The following HERC3 variants were observed in gnomAD, a reference collection of about 807,000 sequenced individuals.
HERC3 encodes the protein HECT and RLD domain containing E3 ubiquitin protein ligase 3.
A neutral mutation model predicts 129.9 loss-of-function variants in HERC3; 58 were observed. The ratio of observed to expected loss-of-function variants is 0.45; its 90% confidence interval spans 0.36 to 0.56. HERC3 has a LOEUF of 0.56. HERC3 is among the 20% of genes least tolerant of loss of function. The pLI is 0.00. For synonymous variants in HERC3, 430 were observed against 451.0 expected (o/e 0.95, Z 0.59); for missense variants, 835 against 1,244.2 (o/e 0.67, Z 4.95).
At chr4:88,675,077 A>G (rs767835034) in intron 16 of HERC3, among the ~76,000 whole-genome samples, 1 of 152,222 alleles carries the variant, frequency 6.6e-6, no homozygotes, top group African/African-American at 2.4e-5. Flanking sequence ...CATTGATTTT[A>G]TGTGATGATC....
chr4:88,631,253 G>A (rs1018025024), intron 3 of HERC3, among the ~76,000 whole-genome samples: 1 of 152,054 alleles, frequency 6.6e-6, no homozygotes, highest in Non-Finnish European at 1.5e-5. Context: ...TCAGGAGTTC[G>A]AGACCAGCCT....
chr4:88,649,742 T>TAAAAAA, intron 3 of HERC3, 98 bp from the exon 4 acceptor site: 1 of 988,510 alleles, frequency 1.0e-6, no homozygotes. Flanking sequence ...TGGTTCTTGT[T>TAAAAAA]AAAAAATAAA....
the HERC3 span, among the ~76,000 whole-genome samples, chr4:88,549,328 A>G: frequency 6.6e-6 from 1 of 151,786 alleles, no homozygotes; most frequent in Admixed American, 6.6e-5. Flanking sequence ...TTTAAAAAAA[A>G]AAACAGCATT....
At chr4:88,635,491 T>C (rs1009665270) in intron 3 of HERC3, among the ~76,000 whole-genome samples, 3 of 151,544 alleles carry the variant, frequency 2.0e-5, no homozygotes, top group African/African-American at 7.3e-5. Context: ...CTCTGAGAAA[T>C]ATGGGACTAT....
intron 3 of HERC3, among the ~76,000 whole-genome samples, chr4:88,613,923 T>A (rs1724623556): frequency 6.6e-6 from 1 of 150,866 alleles, no homozygotes; most frequent in Admixed American, 6.6e-5. Flanking sequence ...GGAGAAACTG[T>A]CATTTAATAA....
chr4:88,696,507 A>G (rs1463022020), intron 23 of HERC3: 3 of 149,414 alleles, frequency 2.0e-5, no homozygotes, highest in African/African-American at 7.4e-5. Context: ...TGAGATTGTA[A>G]CTAATGAATA....
At chr4:88,532,067 C>G in the HERC3 span, among the ~76,000 whole-genome samples, 1 of 152,162 alleles carries the variant, frequency 6.6e-6, no homozygotes, top group Admixed American at 6.5e-5. Context: ...TTTTCCTACA[C>G]TGAACCCTGA....
intron 2 of HERC3, among the ~76,000 whole-genome samples, chr4:88,604,368 A>G (rs1322728917): frequency 2.0e-5 from 3 of 152,200 alleles, no homozygotes; most frequent in African/African-American, 4.8e-5. Context: ...TAGTATATTT[A>G]CCATGTTTTA....
At chr4:88,700,520 A>G (rs1735222748) in intron 23 of HERC3, among the ~76,000 whole-genome samples, 1 of 152,180 alleles carries the variant, frequency 6.6e-6, no homozygotes, top group African/African-American at 2.4e-5. Context: ...TAGTCCCTTA[A>G]GTGAAATCTA....
chr4:88,540,953 C>T, the HERC3 span, among the ~76,000 whole-genome samples: 1 of 152,072 alleles, frequency 6.6e-6, no homozygotes, highest in Non-Finnish European at 1.5e-5. Flanking sequence ...CACTAAATAT[C>T]GAAAGGAACA....
rs958529045 is a variant in HERC3, at chr4:88,708,129, C to T, written c.*1169C>T. 6 of 152,428 alleles carry T rather than the reference C, an allele frequency of 3.9e-5. No homozygotes were observed. Among genetic ancestry groups the T allele is most frequent in the African/African-American group, 7.2e-5 (3 of 41,454 alleles). 9.4% of individuals were successfully genotyped at this position (152,428 alleles called of 1,614,324 possible). A position where few individuals can be genotyped will look rare whatever the true frequency, so the allele number is the denominator to read the frequency against. On this transcript the variant is annotated 3_prime_UTR_variant, in exon 26 of 26. Coordinates refer to ENST00000402738, the MANE Select transcript of HERC3 (RefSeq NM_014606.3). ...CTTTATTATGAAACTTTATCACATTCGAAATGTTTGTTTACAGTGGGATTT... is the reference window on the plus strand; with the variant it reads ...CTTTATTATGAAACTTTATCACATTTGAAATGTTTGTTTACAGTGGGATTT...
intron 23 of HERC3, chr4:88,697,486 C>T (rs564016200): frequency 5.6e-6 from 9 of 1,614,126 alleles, no homozygotes; most frequent in South Asian, 1.1e-5. Context: ...CTTATCGCAT[C>T]GCTTCTGCAG....
At position 88,652,042 on chromosome 4, in the gene HERC3, A is replaced by G. The variant is rs1245790788; in HGVS notation, c.417A>G (p.Ile139Met). ...TACAAAAGCTGAACCAGCAAACAAT[A>G]TTACAAGTTTCCTGTGGCAACTGGC... is the stretch of plus-strand genomic sequence containing the variant. ...RLIQKLNQQTILQVSCGNWHC... is the reference protein window; with the variant it reads ...RLIQKLNQQTMLQVSCGNWHC... Residue 139 changes from isoleucine (I) to methionine (M), a missense_variant, in exon 5 of 26, where the codon ATA becomes ATG. By Grantham distance (10) the Ile-to-Met change is conservative. Coordinates refer to ENST00000402738, the MANE Select transcript of HERC3 (RefSeq NM_014606.3). The G allele has an allele frequency of 6.2e-7, 1 of 1,614,026 alleles. No individual in the cohort carries two copies. Among genetic ancestry groups the G allele is most frequent in the Admixed American group, 1.7e-5 (1 of 60,020 alleles).
chr4:88,564,596 C>T, the HERC3 span, among the ~76,000 whole-genome samples: 60,506 of 151,876 alleles, frequency 0.4, 14,505 homozygotes, highest in African/African-American at 0.68. Flanking sequence ...GTCTCCTTTT[C>T]CATCTCTAAT....
intron 3 of HERC3, among the ~76,000 whole-genome samples, chr4:88,637,284 G>C (rs1362920610): frequency 1.3e-5 from 2 of 151,960 alleles, no homozygotes; most frequent in Non-Finnish European, 2.9e-5. Flanking sequence ...AAATTAGCCG[G>C]GCATGATGGC....
At position 88,654,061 on chromosome 4, in the gene HERC3, T is replaced by C; in HGVS notation, c.705T>C (p.His235=). Reference sequence around the variant, plus strand: ...TTCTAGATCGAGAATCTCCATGCCATGTAAAACTCTTACGCACGCAAAAAG... The same window carrying C: ...TTCTAGATCGAGAATCTCCATGCCACGTAAAACTCTTACGCACGCAAAAAG... ...SDEKDRESPC[H]VKLLRTQKVV... The change falls in exon 7 of 26, where the codon CAT becomes CAC. Residue 235 remains histidine (H), a synonymous_variant. Coordinates refer to ENST00000402738, the MANE Select transcript of HERC3 (RefSeq NM_014606.3). 1 of 1,612,010 alleles carries C rather than the reference T, an allele frequency of 6.2e-7. No homozygotes were observed.
chr4:88,628,362 T>A (rs1358082169), intron 3 of HERC3, among the ~76,000 whole-genome samples: 3 of 152,204 alleles, frequency 2.0e-5, no homozygotes, highest in African/African-American at 4.8e-5. Context: ...TAACTTTAGC[T>A]TTCTCTTGAT....
intron 23 of HERC3, among the ~76,000 whole-genome samples, chr4:88,703,062 C>T (rs1374145201): frequency 6.6e-6 from 1 of 152,192 alleles, no homozygotes; most frequent in Non-Finnish European, 1.5e-5. Flanking sequence ...ACAGTGGGCC[C>T]AAATAGGCCA....
chr4:88,677,488 C>T (rs1359848014), intron 18 of HERC3, among the ~76,000 whole-genome samples: 8 of 151,908 alleles, frequency 5.3e-5, no homozygotes, highest in African/African-American at 7.3e-5. Context: ...CTTTCCAGCT[C>T]GACTGCATCT....
Sources: gnomAD v4.1 joint callset for allele counts (sites outside exome capture counted in the v4.1 genomes callset) on GRCh38, gnomAD v4.1.1 for gene constraint, MANE v1.5 for transcripts, NCBI Gene and HGNC (gene_info 2026-07-23, HGNC 2026-07-21) for gene names.